CENPE: variants seen among roughly 807,000 people sequenced by gnomAD.
CENPE encodes centromere protein E, also known as centromere-associated protein E.
CENPE carries 145 observed loss-of-function variants against 336.1 expected under a neutral mutation model. The observed-to-expected ratio is 0.43, with a 90% CI of 0.38 to 0.50. The LOEUF is 0.50. Among genes scored for constraint, CENPE ranks in the 20% least tolerant of loss-of-function variants. CENPE has a pLI of 0.00. For missense variants in CENPE, 2,719 were observed against 3,023.3 expected (o/e 0.90, Z 2.36); for synonymous variants, 1,013 against 984.8 (o/e 1.03, Z -0.54).
At position 103,159,063 on chromosome 4, in the gene CENPE, G is replaced by C. The variant is rs766222913; in HGVS notation, c.2548C>G (p.Leu850Val). Residue 850 changes from leucine to valine, a missense_variant, in exon 22 of 49, where the codon CTC becomes GTC. By Grantham distance (32) the Leu-to-Val change is conservative. Coordinates refer to ENST00000265148, the MANE Select transcript of CENPE (RefSeq NM_001813.3). Reference sequence around the variant, plus strand: ...TCAAATTTTTGGGCTTCTTTAGAGAGATTAACTATTTCCTGATTCATTCTC... The same window carrying C: ...TCAAATTTTTGGGCTTCTTTAGAGACATTAACTATTTCCTGATTCATTCTC... ...NERMNQEIVN[L>V]SKEAQKFDSS... The C allele has an allele frequency of 6.4e-6, 10 of 1,553,946 alleles. No individual in the cohort carries two copies. Among genetic ancestry groups the C allele is most frequent in the South Asian group, 3.8e-5 (3 of 78,514 alleles).
intron 8 of CENPE, 138 bp downstream of exon 8, chr4:103,194,091 C>T (rs1578702605): frequency 1.6e-6 from 1 of 634,186 alleles, no homozygotes; most frequent in Non-Finnish European, 2.7e-6. Context: ...ATGATACTGA[C>T]AAGACTAAGC....
At chr4:103,178,521 T>C (rs1756069605) in intron 13 of CENPE, among the ~76,000 whole-genome samples, 1 of 152,174 alleles carries the variant, frequency 6.6e-6, no homozygotes, top group African/African-American at 2.4e-5. Context: ...TCAAGAGGTA[T>C]TTCTCCTATG....
At chr4:103,167,078 A>G (rs1048365964) in intron 16 of CENPE, among the ~76,000 whole-genome samples, 2 of 152,210 alleles carry the variant, frequency 1.3e-5, no homozygotes, top group Non-Finnish European at 2.9e-5. Flanking sequence ...ACTCTCTTAG[A>G]TGGAGAAGGA....
chr4:103,181,470 A>G lies in CENPE; in HGVS notation c.964-14T>C, dbSNP rs1356723623. The G allele has an allele frequency of 6.4e-7, 1 of 1,557,864 alleles. No individual in the cohort carries two copies. The highest frequency in any genetic ancestry group is 8.6e-7 in the Non-Finnish European group (1 of 1,159,026). ...AGTACTGGCAAACTGGAAAAAAAAT[A>G]CGAAAGTGCTAAGTGTTCAACACTT... On this transcript the variant is annotated splice_polypyrimidine_tract_variant and intron_variant, in intron 11 of 48. Transcript: ENST00000265148.
rs1754384303 is a variant in CENPE at position 103,160,850 on chromosome 4, T to C, written c.2132-71A>G. 4 of 1,311,300 alleles carry C rather than the reference T, an allele frequency of 3.1e-6. No individual in the cohort carries two copies. The Admixed American group carries it at 9.6e-5, about 32-fold the overall frequency. 81.2% of individuals were successfully genotyped at this position (1,311,300 alleles called of 1,614,324 possible). A position where few individuals can be genotyped will look rare whatever the true frequency, so the allele number is the denominator to read the frequency against. ...AGGTAATTTAATTTTTAATTGTCCTTGAATCACCTTTTTCAGGATCAGGTA... is the reference window on the plus strand; with the variant it reads ...AGGTAATTTAATTTTTAATTGTCCTCGAATCACCTTTTTCAGGATCAGGTA... On this transcript the variant is annotated intron_variant, in intron 20 of 48. Transcript: ENST00000265148.
At chr4:103,176,447 C>T (rs55708783) in intron 14 of CENPE, among the ~76,000 whole-genome samples, 24,485 of 152,156 alleles carry the variant, frequency 0.16, 2,355 homozygotes, top group Non-Finnish European at 0.2. Context: ...ATATAACTAA[C>T]AATTTAATTG....
At position 103,122,906 on chromosome 4, in the gene CENPE, G is replaced by A. The variant is rs575684608; in HGVS notation, c.7108C>T (p.His2370Tyr). The change falls in exon 43 of 49, where the codon CAT becomes TAT. Residue 2370 changes from histidine (H) to tyrosine (Y), a missense_variant. His to Tyr is a moderately conservative substitution (Grantham distance 83). This residue lies in a region of CENPE where 2,437 missense variants were observed against 2,513.3 expected (regional missense o/e 0.97). Transcript: ENST00000265148. The stretch of plus-strand genomic sequence containing the variant: ...AACTGTGTAGCTCTTGATGTAACAT[G>A]AGGATTCTTATTGTCTTGTGTGGTA... ...NPTTQDNKNPHVTSRATQLTT... is the reference protein window; with the variant it reads ...NPTTQDNKNPYVTSRATQLTT... The A allele has an allele frequency of 2.5e-6, 4 of 1,613,594 alleles. No homozygotes were observed. The African/African-American group carries it at 5.3e-5, about 22-fold the overall frequency.
intron 45 of CENPE, among the ~76,000 whole-genome samples, chr4:103,115,199 T>A (rs1438842417): frequency 6.6e-6 from 1 of 152,000 alleles, no homozygotes; most frequent in African/African-American, 2.4e-5. Flanking sequence ...AATGGCGCTA[T>A]CTCAGCTCAC....
intron 12 of CENPE, 38 bp from the exon 13 acceptor site, chr4:103,180,507 G>A (rs1251299030): frequency 1.4e-6 from 2 of 1,456,124 alleles, no homozygotes; most frequent in Admixed American, 2.1e-5. Context: ...AATAATAAAT[G>A]TGGCTAAGTT....
At chr4:103,134,357 G>A (rs188918845) in intron 40 of CENPE, among the ~76,000 whole-genome samples, 24 of 152,038 alleles carry the variant, frequency 1.6e-4, no homozygotes, top group Non-Finnish European at 3.1e-4. Context: ...CTTGTCGGCC[G>A]GACATGGTGG....
At chr4:103,185,495 A>G (rs561798607) in intron 9 of CENPE, among the ~76,000 whole-genome samples, 2 of 152,076 alleles carry the variant, frequency 1.3e-5, no homozygotes, top group South Asian at 2.1e-4. Flanking sequence ...GTACCACATT[A>G]TCTTTCTTAA....
Position 103,149,186 on chromosome 4 carries a change from C to T in CENPE, c.3619G>A (p.Glu1207Lys). 3.7e-6 allele frequency: 6 copies of T among 1,611,128 alleles called. No homozygotes were observed. Among genetic ancestry groups the T allele is most frequent in the Non-Finnish European group, 5.1e-6 (6 of 1,179,576 alleles). Reference protein sequence around the residue: ...SITKERKVLKELQKSFETERD... With the variant: ...SITKERKVLKKLQKSFETERD... ...TCTGTTTCAAATGACTTCTGTAATT[C>T]CTTTAGAACTTTTCTTTCTTTGGTT... Residue 1207 changes from glutamate to lysine, a missense_variant, in exon 27 of 49, where the codon GAA becomes AAA. Physicochemically the swap from Glu to Lys is moderately conservative, Grantham distance 56. Around this residue, in one of 5 missense-constraint regions of CENPE, gnomAD observed 2,437 missense variants for 2,513.3 expected, o/e 0.97. Coordinates refer to ENST00000265148, the MANE Select transcript of CENPE (RefSeq NM_001813.3).
At chr4:103,121,723 A>C (rs902597003) in intron 43 of CENPE, among the ~76,000 whole-genome samples, 1 of 151,798 alleles carries the variant, frequency 6.6e-6, no homozygotes, top group African/African-American at 2.4e-5. Flanking sequence ...TAATATATTA[A>C]AAAAACACTT....
At chr4:103,164,695 T>A (rs932574347) in intron 16 of CENPE, among the ~76,000 whole-genome samples, 1 of 152,076 alleles carries the variant, frequency 6.6e-6, no homozygotes, top group African/African-American at 2.4e-5. Context: ...ATAAAAAAAA[T>A]GAACAATTTT....
intron 41 of CENPE, among the ~76,000 whole-genome samples, chr4:103,133,405 G>A (rs1456535753): frequency 6.6e-6 from 1 of 152,082 alleles, no homozygotes; most frequent in Admixed American, 6.6e-5. Context: ...TACATGTTGG[G>A]AATTGGATGC....
intron 8 of CENPE, among the ~76,000 whole-genome samples, chr4:103,192,288 T>C (rs1304249138): frequency 1.3e-5 from 2 of 152,102 alleles, no homozygotes; most frequent in Non-Finnish European, 2.9e-5. Flanking sequence ...GAAGGCAGCA[T>C]GAGTGAAGGT....
rs199815487 is a variant in CENPE, at chr4:103,144,391, C to T, written c.5085G>A (p.Glu1695=). 5.6e-6 allele frequency: 9 copies of T among 1,613,758 alleles called. No individual in the cohort carries two copies. In the Admixed American group the frequency reaches 6.7e-5, roughly 12 times the overall value. ...TKERDDLRSV[E]ETLKVERDQL... ...GGTCTCTCTCTACTTTGAGAGTCTCCTCCACACTCCTAAGGTCATCTCTTT... is the reference window on the plus strand; with the variant it reads ...GGTCTCTCTCTACTTTGAGAGTCTCTTCCACACTCCTAAGGTCATCTCTTT... Residue 1695 remains glutamate (E), a synonymous_variant, in exon 33 of 49, where the codon GAG becomes GAA. Transcript: ENST00000265148.
intron 8 of CENPE, among the ~76,000 whole-genome samples, chr4:103,191,463 C>T (rs949324033): frequency 6.6e-5 from 10 of 152,162 alleles, no homozygotes; most frequent in Non-Finnish European, 1.5e-4. Flanking sequence ...AAATTCTATG[C>T]AGCCATAAAA....
In CENPE at chr4:103,161,095, C is replaced by T; in HGVS notation, c.2122G>A (p.Val708Ile). Residue 708 changes from valine (V) to isoleucine (I), a missense_variant, in exon 20 of 49, where the codon GTT becomes ATT. This residue lies in a region of CENPE where 2,437 missense variants were observed against 2,513.3 expected (regional missense o/e 0.97). Transcript: ENST00000265148. Reference sequence around the variant, plus strand: ...TAAAATTACAAAATACCTTTTGGAACTTTGCCATCTATAAGGGAGGTGAGT... The same window carrying T: ...TAAAATTACAAAATACCTTTTGGAATTTTGCCATCTATAAGGGAGGTGAGT... Reference protein sequence around the residue: ...TKLTSLIDGKVPKDLLCNLEL... With the variant: ...TKLTSLIDGKIPKDLLCNLEL... 1 of 1,582,698 alleles carries T rather than the reference C, an allele frequency of 6.3e-7. No individual in the cohort carries two copies. Among genetic ancestry groups the T allele is most frequent in the East Asian group, 2.3e-5 (1 of 44,338 alleles).
Sources: gnomAD v4.1 joint callset for allele counts (sites outside exome capture counted in the v4.1 genomes callset) on GRCh38, gnomAD v4.1.1 for gene constraint, gnomAD v4.1.1 regional missense constraint, MANE v1.5 for transcripts, NCBI Gene and HGNC (gene_info 2026-07-23, HGNC 2026-07-21) for gene names.